MAP3K7CL: variants seen among roughly 807,000 people sequenced by gnomAD.
The protein encoded by MAP3K7CL is MAP3K7 C-terminal-like protein.
In MAP3K7CL, 16 loss-of-function variants were observed where a neutral mutation model predicts 18.6. The observed-to-expected ratio is 0.86, with a 90% confidence interval of 0.58 to 1.31. The LOEUF (loss-of-function observed/expected upper bound fraction) is 1.31. Among genes scored for constraint, MAP3K7CL ranks in the 50% most tolerant of loss-of-function variants. The pLI is 0.00. For synonymous variants in MAP3K7CL, 65 were observed against 66.8 expected, an observed-to-expected ratio of 0.97 and a Z score of 0.13; for missense variants, 163 against 174.4, an observed-to-expected ratio of 0.93 and a Z score of 0.37.
At chr21:29,117,463 GCA>G (rs1294929313) in intron 4 of MAP3K7CL, among the ~76,000 whole-genome samples, 1 of 152,214 alleles carries the variant, frequency 6.6e-6, no homozygotes, top group African/African-American at 2.4e-5. Context: ...CACTGCTGAA[GCA>G]CACACAAAAC....
chr21:29,106,091 A>T (rs756367204), intron 4 of MAP3K7CL, among the ~76,000 whole-genome samples: 1 of 152,200 alleles, frequency 6.6e-6, no homozygotes, highest in Non-Finnish European at 1.5e-5. Flanking sequence ...TAAGTAACCT[A>T]TATGGAATTT....
chr21:29,137,714 A>G (rs964559306), intron 2 of MAP3K7CL, among the ~76,000 whole-genome samples: 8 of 152,110 alleles, frequency 5.3e-5, no homozygotes, highest in African/African-American at 1.4e-4. Context: ...CGTGTTGTCT[A>G]CCGAGCCCTG....
At position 29,175,260 on chromosome 21, in the gene MAP3K7CL, C is replaced by A. The variant is rs558149830; in HGVS notation, c.*368C>A. ...GGCTGAGCAGAGTTAAACCATGGGA[C>A]AAACCCATAACATGTTCACCATAGT... On this transcript the variant is annotated 3_prime_UTR_variant, in exon 5 of 5. Coordinates refer to ENST00000399928, the MANE Select transcript of MAP3K7CL (RefSeq NM_001286620.2). 5.1e-4 allele frequency: 82 copies of A among 160,164 alleles called. No individual in the cohort carries two copies. Among genetic ancestry groups the A allele is most frequent in the Non-Finnish European group, 7.1e-4 (52 of 73,392 alleles). The allele number at this position is 160,164 out of a possible 1,614,324, so 9.9% of individuals were successfully genotyped here. A position where few individuals can be genotyped will look rare whatever the true frequency, so the allele number is the denominator to read the frequency against.
chr21:29,166,198 A>G (rs959856986), intron 4 of MAP3K7CL, among the ~76,000 whole-genome samples: 7 of 151,826 alleles, frequency 4.6e-5, no homozygotes, highest in Middle Eastern at 3.4e-3. Flanking sequence ...TCACTATTCT[A>G]CTCTCTACAT....
chr21:29,138,494 T>G (rs1481631928), intron 2 of MAP3K7CL, among the ~76,000 whole-genome samples: 2 of 152,212 alleles, frequency 1.3e-5, no homozygotes, highest in Admixed American at 1.3e-4. Flanking sequence ...ACATTAGGAT[T>G]TCATGTCAAT....
intron 4 of MAP3K7CL, among the ~76,000 whole-genome samples, chr21:29,106,391 A>T (rs62222395): frequency 6.6e-6 from 1 of 152,144 alleles, no homozygotes; most frequent in Non-Finnish European, 1.5e-5. Context: ...CCTGTTGGCC[A>T]GGCTGGTCTC....
upstream of MAP3K7CL, among the ~76,000 whole-genome samples, chr21:29,085,337 T>C (rs976699603): frequency 2.6e-5 from 4 of 152,174 alleles, no homozygotes; most frequent in Non-Finnish European, 1.5e-5. Flanking sequence ...ACCATTGCAT[T>C]GCACGTAGCC....
At chr21:29,124,311 G>A (rs560210107) in intron 4 of MAP3K7CL, among the ~76,000 whole-genome samples, 3 of 136,354 alleles carry the variant, frequency 2.2e-5, no homozygotes, top group East Asian at 2.2e-4. Flanking sequence ...CCGATATCGC[G>A]CCACTGTGCT....
At chr21:29,145,508 A>G (rs2087109004) in intron 2 of MAP3K7CL, 1 of 152,222 alleles carries the variant, frequency 6.6e-6, no homozygotes, top group Non-Finnish European at 1.5e-5. Context: ...CCAGTGATTC[A>G]TCATCCTGCT....
In MAP3K7CL at chr21:29,115,359, G is replaced by T. The variant is rs538259011; in HGVS notation, c.370+22778G>T. On this transcript the variant is annotated intron_variant, in intron 4 of 6. Transcript: ENST00000286791. Reference sequence around the variant, plus strand: ...TTGTTTGTGTTTTTCTCTATTCACTGCAATTCTGCATCTATAAAAAGCATT... The same window carrying T: ...TTGTTTGTGTTTTTCTCTATTCACTTCAATTCTGCATCTATAAAAAGCATT... 3.7e-4 allele frequency among the ~76,000 whole-genome samples: 57 copies of T among 152,262 alleles called. 2 individuals are homozygous for T. The South Asian group carries it at 0.01, about 27-fold the overall frequency.
At chr21:29,172,536 G>A (rs1031569380) in intron 4 of MAP3K7CL, among the ~76,000 whole-genome samples, 5 of 152,072 alleles carry the variant, frequency 3.3e-5, no homozygotes, top group Non-Finnish European at 2.9e-5. Flanking sequence ...GAGACACTGA[G>A]GTTATGTAAA....
At position 29,107,741 on chromosome 21, in the gene MAP3K7CL, A is replaced by G. The variant is rs73346629; in HGVS notation, c.370+15160A>G. On this transcript the variant is annotated intron_variant, in intron 4 of 6. Coordinates refer to the MAP3K7CL transcript ENST00000286791. ...CTTTATTGAACTGCTACATTAATCAATCCTGTCTCTGGACTTCTTGTTATG... is the reference window on the plus strand; with the variant it reads ...CTTTATTGAACTGCTACATTAATCAGTCCTGTCTCTGGACTTCTTGTTATG... Among the ~76,000 whole-genome samples the G allele has an allele frequency of 6.8e-3, 1,036 of 152,310 alleles. 8 individuals are homozygous for G. Among genetic ancestry groups the G allele is most frequent in the African/African-American group, 0.023 (976 of 41,572 alleles).
intron 1 of MAP3K7CL, among the ~76,000 whole-genome samples, chr21:29,132,052 G>A (rs946132690): frequency 3.3e-5 from 5 of 152,188 alleles, no homozygotes; most frequent in Non-Finnish European, 5.9e-5. Context: ...CAGGTTTTTT[G>A]GTTTACTGTC....
intron 4 of MAP3K7CL, among the ~76,000 whole-genome samples, chr21:29,161,180 G>C (rs1314445069): frequency 6.6e-6 from 1 of 152,044 alleles, no homozygotes; most frequent in Non-Finnish European, 1.5e-5. Flanking sequence ...TGTGGTGGCG[G>C]GCACCTGTAA....
rs1227611234 is a variant in MAP3K7CL at position 29,121,066 on chromosome 21, A to G, written c.371-28123A>G. On this transcript the variant is annotated intron_variant, in intron 4 of 6. Transcript: ENST00000286791. ...GGGCAACAGAGTCAGATATATATAT[A>G]TAGTGTATATATGAGAAATAATGCC... Among the ~76,000 whole-genome samples the G allele has an allele frequency of 2.0e-5, 3 of 147,050 alleles. 1 individual carries two copies. Among genetic ancestry groups the G allele is most frequent in the East Asian group, 4.0e-4 (2 of 4,988 alleles).
chr21:29,119,034 A>T (rs1568945731), intron 4 of MAP3K7CL, among the ~76,000 whole-genome samples: 1 of 152,052 alleles, frequency 6.6e-6, no homozygotes, highest in Non-Finnish European at 1.5e-5. Context: ...TCTTGCTTTT[A>T]CCAGTCTCGG....
chr21:29,149,476 C>T (rs2087220369), intron 3 of MAP3K7CL, among the ~76,000 whole-genome samples: 1 of 152,198 alleles, frequency 6.6e-6, no homozygotes, highest in African/African-American at 2.4e-5. Flanking sequence ...GTGCTTATAG[C>T]ATAAACTGGC....
chr21:29,091,730 GCTTTTGGCTTCTTGAAGTGCTTGGATTA>G lies in MAP3K7CL; in HGVS notation c.198_225del (p.Phe67ValfsTer32), dbSNP rs2146501311. On this transcript the variant is annotated frameshift_variant, in exon 3 of 7. Coordinates refer to the MAP3K7CL transcript ENST00000286791. LOFTEE classifies it high-confidence loss of function. ...ACACCTGGCTTCAAGCAGTCCTCCT[GCTTTTGGCTTCTTGAAGTGCTTGGATTA>G]CAGGTATGAACTACTGCACCTGGCC... The G allele has an allele frequency of 2.8e-6, 2 of 702,454 alleles. No individual in the cohort carries two copies. The highest frequency in any genetic ancestry group is 2.7e-5 in the East Asian group (1 of 37,276). 43.5% of individuals were successfully genotyped at this position (702,454 alleles called of 1,614,324 possible). A position where few individuals can be genotyped will look rare whatever the true frequency, so the allele number is the denominator to read the frequency against.
intron 4 of MAP3K7CL, among the ~76,000 whole-genome samples, chr21:29,105,493 T>C (rs569738964): frequency 2.0e-5 from 3 of 152,152 alleles, no homozygotes; most frequent in Non-Finnish European, 4.4e-5. Flanking sequence ...CCTAGTACTG[T>C]GTGATTAATG....
Sources: allele counts gnomAD v4.1 joint callset (sites outside exome capture counted in the v4.1 genomes callset), GRCh38; gene constraint gnomAD v4.1.1; transcripts MANE v1.5; gene names NCBI Gene and HGNC (gene_info 2026-07-23, HGNC 2026-07-21).